Variants in SRL observed in about 807,000 individuals in gnomAD.
SRL encodes sarcalumenin.
In SRL, 23 loss-of-function variants were observed where a neutral mutation model predicts 39.5. That is an observed-to-expected ratio of 0.58 (90% CI 0.42 to 0.82). The LOEUF (loss-of-function observed/expected upper bound fraction) is 0.82. Among genes scored for constraint, SRL ranks in the 40% least tolerant of loss-of-function variants. SRL has a pLI of 0.00. For missense variants in SRL, 592 were observed against 607.8 expected, an observed-to-expected ratio of 0.97 and a Z score of 0.27; for synonymous variants, 272 against 237.4, an observed-to-expected ratio of 1.15 and a Z score of -1.34.
rs750991226 is a variant in SRL at position 4,203,150 on chromosome 16, T to C, written c.259+16A>G. On this transcript the variant is annotated intron_variant, in intron 3 of 5. Coordinates refer to ENST00000399609, the MANE Select transcript of SRL (RefSeq NM_001098814.2). ...TACCCGTAATCTCAAGCCCTACCTGTTATCTCAAGCCCTACCTGTGATCTC... is the reference window on the plus strand; with the variant it reads ...TACCCGTAATCTCAAGCCCTACCTGCTATCTCAAGCCCTACCTGTGATCTC... The C allele has an allele frequency of 6.2e-7, 1 of 1,608,274 alleles. No homozygotes were observed. The highest frequency in any genetic ancestry group is 1.7e-5 in the Admixed American group (1 of 59,798).
intron 1 of SRL, among the ~76,000 whole-genome samples, chr16:4,239,309 T>C (rs991036980): frequency 5.9e-5 from 9 of 152,164 alleles, no homozygotes. Flanking sequence ...ACCAGCCCCT[T>C]GCCATTGGGG....
At chr16:4,201,170 G>A (rs2052224745) in intron 3 of SRL, among the ~76,000 whole-genome samples, 1 of 150,958 alleles carries the variant, frequency 6.6e-6, no homozygotes. Flanking sequence ...CTGGAGTGCA[G>A]TGGTGCAATC....
chr16:4,203,064 T>C (rs2052258206), intron 3 of SRL, 102 bp downstream of exon 3: 1 of 1,000,942 alleles, frequency 1.0e-6, no homozygotes, highest in African/African-American at 1.6e-5. Flanking sequence ...CCTGAACCTG[T>C]GTGGGTACCG....
In SRL at chr16:4,195,759, G is replaced by A. The variant is rs530802968; in HGVS notation, c.404C>T (p.Thr135Met). The A allele has an allele frequency of 9.9e-6, 16 of 1,613,844 alleles. No individual in the cohort carries two copies. The highest frequency in any genetic ancestry group is 1.6e-4 in the Middle Eastern group (1 of 6,084). Reference protein sequence around the residue: ...TGAEPTTSEFTVLMHGPKLKT... With the variant: ...TGAEPTTSEFMVLMHGPKLKT... Reference sequence around the variant, plus strand: ...CAGCTTAGGCCCATGCATGAGGACCGTGAACTCAGAGGTGGTGGGTTCAGC... The same window carrying A: ...CAGCTTAGGCCCATGCATGAGGACCATGAACTCAGAGGTGGTGGGTTCAGC... Residue 135 changes from threonine to methionine, a missense_variant, in exon 5 of 6, where the codon ACG becomes ATG. Transcript: ENST00000399609.
At chr16:4,235,105 G>T (rs2052701868) in intron 1 of SRL, among the ~76,000 whole-genome samples, 1 of 152,192 alleles carries the variant, frequency 6.6e-6, no homozygotes, top group Admixed American at 6.5e-5. Context: ...CCTGAGTAGG[G>T]AAGGGAGACC....
chr16:4,194,687 T>C (rs1015778481), intron 5 of SRL, among the ~76,000 whole-genome samples: 37 of 152,258 alleles, frequency 2.4e-4, no homozygotes, highest in African/African-American at 8.2e-4. Context: ...CAGAGAGGAC[T>C]AGGCCCCCAC....
intron 1 of SRL, among the ~76,000 whole-genome samples, chr16:4,236,241 C>T (rs2052712743): frequency 1.3e-5 from 2 of 152,088 alleles, no homozygotes; most frequent in Non-Finnish European, 2.9e-5. Flanking sequence ...CCCTCAAACC[C>T]TCCTCATTGG....
intron 1 of SRL, among the ~76,000 whole-genome samples, chr16:4,210,486 C>CTTTTTTTTTTTTTTTTTTTTTTTTTTTTT (rs555999418): frequency 9.6e-6 from 1 of 104,014 alleles, no homozygotes; most frequent in Non-Finnish European, 1.8e-5. Flanking sequence ...TTACTCATAT[C>CTTTTTTTTTTTTTTTTTTTTTTTTTTTTT]TTTTTTTTTT....
chr16:4,205,064 T>C (rs1207923516), intron 1 of SRL, among the ~76,000 whole-genome samples: 7 of 152,074 alleles, frequency 4.6e-5, no homozygotes, highest in Non-Finnish European at 7.4e-5. Flanking sequence ...GGCTCACACC[T>C]GTAATCCTAG....
At position 4,223,631 on chromosome 16, in the gene SRL, C is replaced by A. The variant is rs966097485; in HGVS notation, c.61+18376G>T. On this transcript the variant is annotated intron_variant, in intron 1 of 5. Transcript: ENST00000399609. ...AAACTCCTGGGCTCAAGTGATCCTC[C>A]CACCTGGGCCTCCCATAGGGCTGAG... Among the ~76,000 whole-genome samples the A allele has an allele frequency of 2.6e-5, 4 of 152,112 alleles. No individual in the cohort carries two copies. The South Asian group carries it at 8.3e-4, about 32-fold the overall frequency.
chr16:4,192,769 T>G lies in SRL; in HGVS notation c.806A>C (p.Tyr269Ser). ...GGCCAAGCTCCAGAAGAGGGCCCCG[T>G]AAACCCGCATGAGCATTTGGGTGGC... The part of the protein sequence containing the change: ...NLATQMLMRV[Y>S]GALFWSLAPL... The change falls in exon 6 of 6, where the codon TAC becomes TCC. Residue 269 changes from tyrosine to serine, a missense_variant. Coordinates refer to ENST00000399609, the MANE Select transcript of SRL (RefSeq NM_001098814.2). The surrounding 1 kb of genome is among the most constrained non-coding windows in gnomAD (Gnocchi z 4.0). 1.2e-6 allele frequency: 2 copies of G among 1,614,234 alleles called. No homozygotes were observed. The highest frequency in any genetic ancestry group is 1.7e-6 in the Non-Finnish European group (2 of 1,180,048).
chr16:4,211,498 AATGATGAGGATCGTG>A (rs2052391732), intron 1 of SRL, among the ~76,000 whole-genome samples: 1 of 67,798 alleles, frequency 1.5e-5, no homozygotes, highest in Non-Finnish European at 3.0e-5. Flanking sequence ...TGACCATGCT[AATGATGAGGATCGTG>A]ATGATGATGA....
intron 1 of SRL, among the ~76,000 whole-genome samples, chr16:4,221,053 A>ATTTTTTT (rs113277798): frequency 6.9e-6 from 1 of 145,328 alleles, no homozygotes. Context: ...CTATTCCATT[A>ATTTTTTT]TTTTTTTTTT....
At chr16:4,203,041 T>A (rs2052258021) in intron 3 of SRL, 125 bp downstream of exon 3, 1 of 844,798 alleles carries the variant, frequency 1.2e-6, no homozygotes, top group East Asian at 2.4e-5. Context: ...CTTGCACACA[T>A]CATGAATGAG....
At chr16:4,219,535 C>T (rs1035661537) in intron 1 of SRL, among the ~76,000 whole-genome samples, 7 of 152,162 alleles carry the variant, frequency 4.6e-5, no homozygotes, top group Non-Finnish European at 7.4e-5. Context: ...CTCACTGCAA[C>T]GTCCACCTCC....
intron 1 of SRL, among the ~76,000 whole-genome samples, chr16:4,241,602 C>T (rs961396853): frequency 6.6e-6 from 1 of 152,256 alleles, no homozygotes; most frequent in Non-Finnish European, 1.5e-5. Flanking sequence ...AGTGGGGCCT[C>T]CGCCTTATAT....
Position 4,192,368 on chromosome 16 carries a change from C to G in SRL, c.1207G>C (p.Asp403His), listed in dbSNP as rs1307599624. ...FDLPNREAYK[D>H]FFGINPISSF... ...GAAATGGGATTGATGCCGAAGAAGTCCTTATAGGCCTCGCGGTTGGGAAGG... is the reference window on the plus strand; with the variant it reads ...GAAATGGGATTGATGCCGAAGAAGTGCTTATAGGCCTCGCGGTTGGGAAGG... Residue 403 changes from aspartate to histidine, a missense_variant, in exon 6 of 6, where the codon GAC becomes CAC. Asp to His is a moderately conservative substitution (Grantham distance 81). Transcript: ENST00000399609. The surrounding 1 kb of genome is among the most constrained non-coding windows in gnomAD (Gnocchi z 4.0). 6.2e-7 allele frequency: 1 copy of G among 1,614,176 alleles called. No homozygotes were observed. The highest frequency in any genetic ancestry group is 8.5e-7 in the Non-Finnish European group (1 of 1,180,044).
At chr16:4,230,930 A>G (rs930204986) in intron 1 of SRL, among the ~76,000 whole-genome samples, 2 of 152,196 alleles carry the variant, frequency 1.3e-5, no homozygotes, top group African/African-American at 4.8e-5. Context: ...GGAAGAGGCA[A>G]GGAAGGATCC....
At chr16:4,207,226 C>A in intron 1 of SRL, 1 of 457,126 alleles carries the variant, frequency 2.2e-6, no homozygotes, top group Non-Finnish European at 4.4e-6. Flanking sequence ...CTTCCATCAC[C>A]ACTTTCCTCT....
Sources: allele counts gnomAD v4.1 joint callset (sites outside exome capture counted in the v4.1 genomes callset), GRCh38; gene constraint gnomAD v4.1.1; non-coding constraint Gnocchi (gnomAD v3.1); transcripts MANE v1.5; gene names NCBI Gene and HGNC (gene_info 2026-07-23, HGNC 2026-07-21).